The following UST variants were observed in gnomAD, a reference collection of about 807,000 sequenced individuals.
UST encodes the protein chondroitin sulfate 2-O-sulfotransferase.
UST carries 21 observed loss-of-function variants against 45.6 expected under a neutral mutation model. That is an observed-to-expected ratio of 0.46 (90% CI 0.33 to 0.66). The LOEUF (loss-of-function observed/expected upper bound fraction) is 0.66. Ranked by LOEUF, UST falls within the 30% of genes least tolerant of loss-of-function variation. UST has a pLI of 0.02. For synonymous variants in UST, 215 were observed against 200.6 expected (o/e 1.07, Z -0.61); for missense variants, 463 against 512.4 (o/e 0.90, Z 0.93).
At chr6:148,771,089 T>C (rs1359048436) in intron 1 of UST, among the ~76,000 whole-genome samples, 3 of 152,238 alleles carry the variant, frequency 2.0e-5, no homozygotes, top group Non-Finnish European at 4.4e-5. Context: ...TTGTTTTTTC[T>C]GATTAGCTAA....
chr6:148,982,839 T>C (rs1386444979), intron 5 of UST, among the ~76,000 whole-genome samples: 2 of 152,330 alleles, frequency 1.3e-5, no homozygotes, highest in Admixed American at 6.5e-5. Context: ...TTCAAAAAGG[T>C]TTCCTTTTCC....
chr6:149,017,413 A>G (rs1333753257), intron 5 of UST, among the ~76,000 whole-genome samples: 1 of 152,128 alleles, frequency 6.6e-6, no homozygotes, highest in African/African-American at 2.4e-5. Context: ...GTACATTGTA[A>G]TAAAAGCTAA....
chr6:148,940,280 A>G (rs898062465), intron 2 of UST, among the ~76,000 whole-genome samples: 1 of 151,838 alleles, frequency 6.6e-6, no homozygotes, highest in Admixed American at 6.6e-5. Context: ...TGAGCTCAGG[A>G]GTTTGAGACC....
At chr6:148,823,318 G>C (rs1329054715) in intron 1 of UST, among the ~76,000 whole-genome samples, 1 of 152,170 alleles carries the variant, frequency 6.6e-6, no homozygotes, top group Non-Finnish European at 1.5e-5. Context: ...CATTATAAAA[G>C]TTACCCTTGG....
intron 1 of UST, among the ~76,000 whole-genome samples, chr6:148,833,086 A>G (rs1777719643): frequency 6.6e-6 from 1 of 152,220 alleles, no homozygotes; most frequent in South Asian, 2.1e-4. Flanking sequence ...CAGATCATTC[A>G]TGACCTTCTC....
chr6:149,054,404 G>A (rs763683014), intron 7 of UST, among the ~76,000 whole-genome samples: 6 of 152,160 alleles, frequency 3.9e-5, no homozygotes, highest in African/African-American at 7.2e-5. Context: ...AGCCTTTGAT[G>A]TTCAACCACA....
rs772316127 is a variant in UST at position 148,941,260 on chromosome 6, C to T, written c.292-19C>T. 1.9e-6 allele frequency: 3 copies of T among 1,612,124 alleles called. No individual in the cohort carries two copies. The East Asian group carries it at 6.7e-5, about 36-fold the overall frequency. On this transcript the variant is annotated intron_variant, in intron 2 of 7. Coordinates refer to ENST00000367463, the MANE Select transcript of UST (RefSeq NM_005715.3). ...TCCATACAGACGTTTCATGTTTGTTCTCTTGGTTTTTTTCCCAGGTACTAC... is the reference window on the plus strand; with the variant it reads ...TCCATACAGACGTTTCATGTTTGTTTTCTTGGTTTTTTTCCCAGGTACTAC...
chr6:148,777,979 T>A (rs893641379), intron 1 of UST, among the ~76,000 whole-genome samples: 3 of 152,224 alleles, frequency 2.0e-5, no homozygotes, highest in African/African-American at 4.8e-5. Flanking sequence ...AGCCTAGGTG[T>A]AGAGTAGGCT....
intron 2 of UST, among the ~76,000 whole-genome samples, chr6:148,901,671 C>T (rs1779261255): frequency 6.6e-6 from 1 of 151,876 alleles, no homozygotes; most frequent in South Asian, 2.1e-4. Flanking sequence ...GATTCTCCTG[C>T]CTCAGCCTCC....
intron 7 of UST, chr6:149,027,843 CT>C (rs35563578): frequency 0.83 from 109,299 of 131,668 alleles, 45,284 homozygotes; most frequent in Non-Finnish European, 0.86. Flanking sequence ...ATCCCCCCAT[CT>C]TTTTTTTTTT....
chr6:149,073,587 G>T (rs968879997), intron 7 of UST, among the ~76,000 whole-genome samples: 2 of 152,216 alleles, frequency 1.3e-5, no homozygotes, highest in African/African-American at 4.8e-5. Context: ...TGGTCCAATC[G>T]CATGGTTCAC....
intron 1 of UST, among the ~76,000 whole-genome samples, chr6:148,877,410 TGCGG>T (rs1778692664): frequency 6.5e-5 from 1 of 15,454 alleles, no homozygotes; most frequent in Non-Finnish European, 1.0e-4. Context: ...CGTGTATGAG[TGCGG>T]GGGTCGTGTA....
At position 148,897,515 on chromosome 6, in the gene UST, A is replaced by G. The variant is rs148727388; in HGVS notation, c.291+10486A>G. ...ATTTTTAATTTTTTTTTTTAGAGAC[A>G]CAGTCTTGCCCTGTCACACAGGCTG... On this transcript the variant is annotated intron_variant, in intron 2 of 7. Transcript: ENST00000367463. Among the ~76,000 whole-genome samples, 674 of 146,768 alleles carry G rather than the reference A, an allele frequency of 4.6e-3. 4 individuals are homozygous for G. Among genetic ancestry groups the G allele is most frequent in the African/African-American group, 0.016 (627 of 39,410 alleles).
intron 1 of UST, among the ~76,000 whole-genome samples, chr6:148,829,895 A>T (rs538294690): frequency 5.0e-4 from 76 of 152,210 alleles, no homozygotes; most frequent in Non-Finnish European, 1.0e-3. Context: ...AAGTAATTTC[A>T]TAGTTTGTGA....
intron 1 of UST, among the ~76,000 whole-genome samples, chr6:148,758,551 C>G (rs936571166): frequency 3.9e-5 from 6 of 152,192 alleles, no homozygotes; most frequent in African/African-American, 1.4e-4. Flanking sequence ...ACTGTGCCTG[C>G]TCCCAGAACT....
chr6:148,851,834 T>C (rs1778112380), intron 1 of UST, among the ~76,000 whole-genome samples: 1 of 152,250 alleles, frequency 6.6e-6, no homozygotes, highest in Non-Finnish European at 1.5e-5. Context: ...TCCAGCTCAC[T>C]GCTCCGACAA....
intron 7 of UST, among the ~76,000 whole-genome samples, chr6:149,034,523 C>G (rs1205838939): frequency 6.6e-6 from 1 of 152,044 alleles, no homozygotes; most frequent in East Asian, 1.9e-4. Flanking sequence ...CCCAGCCTGC[C>G]CTCCCTTCCC....
At chr6:148,915,671 A>G (rs562478281) in intron 2 of UST, among the ~76,000 whole-genome samples, 1 of 152,384 alleles carries the variant, frequency 6.6e-6, no homozygotes, top group South Asian at 2.1e-4. Context: ...TCCTAGTGCA[A>G]CTGTTATTAT....
At chr6:148,995,981 G>GGTGGGGGCAGA (rs1781446390) in intron 5 of UST, among the ~76,000 whole-genome samples, 1 of 152,218 alleles carries the variant, frequency 6.6e-6, no homozygotes, top group South Asian at 2.1e-4. Context: ...TTCAGCAGGG[G>GGTGGGGGCAGA]GTGGGGGCAG....
Sources: gnomAD v4.1 joint callset for allele counts (sites outside exome capture counted in the v4.1 genomes callset) on GRCh38, gnomAD v4.1.1 for gene constraint, MANE v1.5 for transcripts, NCBI Gene and HGNC (gene_info 2026-07-23, HGNC 2026-07-21) for gene names.